Variants in TTC7A observed in about 807,000 individuals in gnomAD.
The protein encoded by TTC7A is tetratricopeptide repeat domain 7A.
Under a neutral mutation model 103.7 loss-of-function variants are expected in TTC7A, and 110 were observed. The ratio of observed to expected loss-of-function variants is 1.06; its 90% CI spans 0.91 to 1.24. The LOEUF (loss-of-function observed/expected upper bound fraction) is 1.24, where lower values mean the gene tolerates loss of function less well. Among genes scored for constraint, TTC7A ranks in the 50% most tolerant of loss-of-function variants. TTC7A has a pLI of 0.00. For synonymous variants in TTC7A, 521 were observed against 467.9 expected (o/e 1.11, Z -1.47); for missense variants, 1,340 against 1,116.3 (o/e 1.20, Z -2.86).
chr2:47,046,547 AG>A (rs1424132789), intron 16 of TTC7A, 116 bp downstream of exon 16: 5 of 771,752 alleles, frequency 6.5e-6, no homozygotes, highest in Non-Finnish European at 1.1e-5. Flanking sequence ...CTTTTGAATG[AG>A]AGCGTGGAAC....
intron 2 of TTC7A, among the ~76,000 whole-genome samples, chr2:46,951,926 A>G (rs1275846792): frequency 6.6e-6 from 1 of 152,230 alleles, no homozygotes; most frequent in African/African-American, 2.4e-5. Context: ...TAGGAGTGCT[A>G]TCCACGAGGA....
At chr2:47,065,376 A>C (rs1220654510) in intron 19 of TTC7A, among the ~76,000 whole-genome samples, 2 of 152,258 alleles carry the variant, frequency 1.3e-5, no homozygotes, top group Non-Finnish European at 2.9e-5. Context: ...AATGAGACAA[A>C]GAAAAAGGAC....
chr2:47,019,488 G>A (rs1233965303), intron 11 of TTC7A, among the ~76,000 whole-genome samples: 3 of 152,150 alleles, frequency 2.0e-5, no homozygotes, highest in African/African-American at 7.2e-5. Context: ...GCTTAGAGAC[G>A]GTTTTAAACT....
At chr2:46,931,164 G>A (rs950751967) in intron 2 of TTC7A, among the ~76,000 whole-genome samples, 4 of 152,234 alleles carry the variant, frequency 2.6e-5, no homozygotes, top group African/African-American at 9.6e-5. Context: ...TATTTATTTA[G>A]GAGTGCAGTG....
exon 2 of TTC7A, chr2:46,917,274 A>G (rs2103787449): frequency 1.5e-6 from 1 of 685,192 alleles, no homozygotes; most frequent in African/African-American, 1.8e-5. Context: ...CTGGGATTAC[A>G]GGGGTGAGCC....
rs554287054 is a variant in TTC7A at position 46,948,494 on chromosome 2, G to A, written c.185-1869G>A. Among the ~76,000 whole-genome samples the A allele has an allele frequency of 3.3e-4, 51 of 152,246 alleles. 1 individual carries two copies. The highest frequency in any genetic ancestry group is 4.2e-4 in the South Asian group (2 of 4,814). On this transcript the variant is annotated intron_variant, in intron 1 of 19. Coordinates refer to ENST00000319190, the MANE Select transcript of TTC7A (RefSeq NM_020458.4). ...AATTTTAAAAGTCATGAGGTACATA[G>A]CAAAGGATCCCATAACAGGTGCCTT... is the stretch of plus-strand genomic sequence containing the variant.
intron 14 of TTC7A, among the ~76,000 whole-genome samples, chr2:47,027,850 TA>T (rs1214562513): frequency 6.7e-6 from 1 of 149,176 alleles, no homozygotes; most frequent in Non-Finnish European, 1.5e-5. Flanking sequence ...AAGGGGCTGC[TA>T]TAGTCACCAG....
chr2:46,959,580 G>C (rs115809021), intron 3 of TTC7A, among the ~76,000 whole-genome samples: 1,536 of 152,238 alleles, frequency 0.01, 20 homozygotes, highest in African/African-American at 0.035. Context: ...GGAGTCAGGA[G>C]CAGGCCCTCT....
At chr2:47,044,641 A>G (rs1682113911) in intron 15 of TTC7A, among the ~76,000 whole-genome samples, 1 of 152,258 alleles carries the variant, frequency 6.6e-6, no homozygotes, top group Non-Finnish European at 1.5e-5. Context: ...ATTTAAAGCC[A>G]GGCTTGGGAT....
intron 3 of TTC7A, among the ~76,000 whole-genome samples, chr2:46,963,336 T>C (rs1262980925): frequency 1.3e-5 from 2 of 152,262 alleles, no homozygotes; most frequent in African/African-American, 4.8e-5. Context: ...CTTATTTTTA[T>C]AGGGCTTAGC....
At chr2:46,995,689 A>G (rs978771445) in intron 8 of TTC7A, among the ~76,000 whole-genome samples, 2 of 152,192 alleles carry the variant, frequency 1.3e-5, no homozygotes, top group African/African-American at 2.4e-5. Context: ...TAATATAACA[A>G]TACTCACAAA....
intron 16 of TTC7A, chr2:47,047,197 A>G: frequency 1.2e-6 from 1 of 852,138 alleles, no homozygotes; most frequent in Non-Finnish European, 1.9e-6. Context: ...CTTCTTTGGG[A>G]TAGCTGGCTG....
chr2:47,048,419 A>T (rs1322167854), intron 16 of TTC7A, among the ~76,000 whole-genome samples: 1 of 152,124 alleles, frequency 6.6e-6, no homozygotes, highest in Non-Finnish European at 1.5e-5. Context: ...CCAGCCCTGC[A>T]CCAGGATCTG....
intron 3 of TTC7A, among the ~76,000 whole-genome samples, chr2:46,974,032 G>A (rs1673616286): frequency 6.6e-6 from 1 of 152,244 alleles, no homozygotes; most frequent in African/African-American, 2.4e-5. Flanking sequence ...GGTGAAACCA[G>A]GCTGATAGGC....
At chr2:46,999,063 C>T (rs1427367895) in intron 8 of TTC7A, among the ~76,000 whole-genome samples, 1 of 152,128 alleles carries the variant, frequency 6.6e-6, no homozygotes, top group Non-Finnish European at 1.5e-5. Context: ...TACCATTTAT[C>T]CTTCTGGCCA....
chr2:47,053,543 T>TTTGTTTGTTTGTTTGGTTGGTTGG (rs66907808), intron 18 of TTC7A, among the ~76,000 whole-genome samples: 1 of 140,138 alleles, frequency 7.1e-6, no homozygotes, highest in Non-Finnish European at 1.5e-5. Context: ...TGTTTGTTTG[T>TTTGTTTGTTTGTTTGGTTGGTTGG]TTGGTTGGTT....
Position 47,050,247 on chromosome 2 carries a change from G to T in TTC7A, c.2017+201G>T, listed in dbSNP as rs1028852129. 6 of 583,452 alleles carry T rather than the reference G, an allele frequency of 1.0e-5. No homozygotes were observed. The Admixed American group carries it at 1.5e-4, about 14-fold the overall frequency. 36.1% of individuals were successfully genotyped at this position (583,452 alleles called of 1,614,324 possible). The stretch of plus-strand genomic sequence containing the variant: ...CTGCTGGTCCCACAGTGGGCAGTGG[G>T]CAGGGGAGGAACCCTGCCTCCTGCA... On this transcript the variant is annotated intron_variant, in intron 17 of 19. Coordinates refer to ENST00000319190, the MANE Select transcript of TTC7A (RefSeq NM_020458.4).
At chr2:46,916,150 T>C (rs1038319681), upstream of TTC7A, 4 of 985,408 alleles carry the variant, frequency 4.1e-6, no homozygotes, top group African/African-American at 7.0e-5. Flanking sequence ...CCAACTCCGC[T>C]CACCCCCTCC....
chr2:46,948,099 G>A (rs1671088240), intron 1 of TTC7A, among the ~76,000 whole-genome samples: 1 of 152,254 alleles, frequency 6.6e-6, no homozygotes, highest in Non-Finnish European at 1.5e-5. Flanking sequence ...CACTGATGGT[G>A]CCGTATCTGG....
Sources: gnomAD v4.1 joint callset for allele counts (sites outside exome capture counted in the v4.1 genomes callset) on GRCh38, gnomAD v4.1.1 for gene constraint, MANE v1.5 for transcripts, NCBI Gene and HGNC (gene_info 2026-07-23, HGNC 2026-07-21) for gene names.